The following SDK1 variants were observed in gnomAD, a reference collection of about 807,000 sequenced individuals.
SDK1 encodes sidekick cell adhesion molecule 1.
Under a neutral mutation model 245.5 loss-of-function variants are expected in SDK1, and 157 were observed. The observed-to-expected ratio is 0.64, with a 90% CI of 0.56 to 0.73. SDK1 has a LOEUF of 0.73. Among genes scored for constraint, SDK1 ranks in the 30% least tolerant of loss-of-function variants. SDK1 has a pLI of 0.00. For synonymous variants in SDK1, 1,647 were observed against 1,278.5 expected, an observed-to-expected ratio of 1.29 and a Z score of -6.15; for missense variants, 3,583 against 3,002.3, an observed-to-expected ratio of 1.19 and a Z score of -4.52.
intron 5 of SDK1, among the ~76,000 whole-genome samples, chr7:3,947,957 G>A (rs1386405019): frequency 6.6e-6 from 1 of 152,096 alleles, no homozygotes; most frequent in East Asian, 1.9e-4. Context: ...TTCATTTTAA[G>A]CCTCTCTGTA....
At chr7:3,741,875 C>T (rs1779484182) in intron 4 of SDK1, among the ~76,000 whole-genome samples, 1 of 151,862 alleles carries the variant, frequency 6.6e-6, no homozygotes, top group African/African-American at 2.4e-5. Context: ...TCTTTGGATG[C>T]TCATATATGT....
chr7:3,599,541 C>G (rs891164741), intron 1 of SDK1, among the ~76,000 whole-genome samples: 13 of 152,124 alleles, frequency 8.5e-5, no homozygotes. Context: ...GAGTCTTTGC[C>G]TGGCCCCACA....
Position 4,268,554 on chromosome 7 carries a change from G to A in SDK1, c.*3170G>A, listed in dbSNP as rs1357165416. 7.7e-7 allele frequency: 1 copy of A among 1,297,280 alleles called. No homozygotes were observed. Among genetic ancestry groups the A allele is most frequent in the Non-Finnish European group, 1.0e-6 (1 of 984,006 alleles). The allele number at this position is 1,297,280 out of a possible 1,614,324, so 80.4% of individuals were successfully genotyped here. A position where few individuals can be genotyped will look rare whatever the true frequency, so the allele number is the denominator to read the frequency against. The stretch of plus-strand genomic sequence containing the variant: ...GAACGCGCCTCCACAGCCCCGGGAG[G>A]TGGCTCACTCTGTACAGGTCTTCGG... On this transcript the variant is annotated 3_prime_UTR_variant, in exon 45 of 45. Coordinates refer to ENST00000404826, the MANE Select transcript of SDK1 (RefSeq NM_152744.4).
chr7:3,644,341 CTTTA>C (rs1217690728), intron 4 of SDK1, among the ~76,000 whole-genome samples: 1 of 150,744 alleles, frequency 6.6e-6, no homozygotes, highest in East Asian at 1.9e-4. Flanking sequence ...ATCCTTTTTT[CTTTA>C]TTTAATTACA....
chr7:3,620,156 C>T (rs1236978788), intron 2 of SDK1, among the ~76,000 whole-genome samples: 1 of 152,156 alleles, frequency 6.6e-6, no homozygotes, highest in Non-Finnish European at 1.5e-5. Flanking sequence ...GAATAGCCCA[C>T]CCACTCACTC....
At chr7:3,859,813 G>T (rs6957166) in intron 5 of SDK1, among the ~76,000 whole-genome samples, 50,268 of 152,082 alleles carry the variant, frequency 0.33, 11,679 homozygotes, top group African/African-American at 0.66. Context: ...GCAAATAGGT[G>T]AAACATATAC....
At chr7:3,340,397 G>T (rs1780314837) in intron 1 of SDK1, among the ~76,000 whole-genome samples, 5 of 152,116 alleles carry the variant, frequency 3.3e-5, no homozygotes, top group Non-Finnish European at 7.4e-5. Context: ...CATGCTGTTG[G>T]AAAAATGGTG....
At chr7:3,320,533 G>A (rs145927835) in intron 1 of SDK1, among the ~76,000 whole-genome samples, 8 of 152,108 alleles carry the variant, frequency 5.3e-5, no homozygotes, top group African/African-American at 1.9e-4. Context: ...TAAAGATGAA[G>A]CATTTTTAAC....
intron 14 of SDK1, among the ~76,000 whole-genome samples, chr7:3,994,797 C>A (rs1278239366): frequency 1.3e-5 from 2 of 152,194 alleles, no homozygotes; most frequent in African/African-American, 4.8e-5. Context: ...CCACCACTGA[C>A]CCTAACTGGC....
chr7:3,723,484 T>G (rs1012022360), intron 4 of SDK1, among the ~76,000 whole-genome samples: 1 of 152,210 alleles, frequency 6.6e-6, no homozygotes, highest in African/African-American at 2.4e-5. Flanking sequence ...CAGTTTTTCT[T>G]TATTCACACA....
At chr7:4,228,642 C>G (rs934739981) in intron 40 of SDK1, among the ~76,000 whole-genome samples, 2 of 152,154 alleles carry the variant, frequency 1.3e-5, no homozygotes, top group African/African-American at 4.8e-5. Flanking sequence ...CGGGATCAAG[C>G]GATTCTCCTG....
chr7:3,531,167 C>G (rs1173883552), intron 1 of SDK1, among the ~76,000 whole-genome samples: 1 of 152,180 alleles, frequency 6.6e-6, no homozygotes, highest in Admixed American at 6.5e-5. Flanking sequence ...CACCCTCAAA[C>G]TACATAGGGT....
At chr7:3,712,216 AG>A (rs1466834792) in intron 4 of SDK1, among the ~76,000 whole-genome samples, 1 of 152,116 alleles carries the variant, frequency 6.6e-6, no homozygotes, top group Non-Finnish European at 1.5e-5. Context: ...TTCCTGCCTG[AG>A]CCCCACCTCC....
intron 1 of SDK1, among the ~76,000 whole-genome samples, chr7:3,613,337 A>C (rs1781665152): frequency 6.6e-6 from 1 of 152,150 alleles, no homozygotes; most frequent in African/African-American, 2.4e-5. Flanking sequence ...CACATTGGAG[A>C]GGTAACATTA....
intron 22 of SDK1, among the ~76,000 whole-genome samples, chr7:4,107,260 A>G (rs1222781307): frequency 6.6e-6 from 1 of 151,498 alleles, no homozygotes; most frequent in Non-Finnish European, 1.5e-5. Context: ...AGTAAGTTGA[A>G]CCCGCCAGGC....
At chr7:4,182,405 G>T (rs80188350) in intron 35 of SDK1, among the ~76,000 whole-genome samples, 1 of 152,316 alleles carries the variant, frequency 6.6e-6, no homozygotes, top group Non-Finnish European at 1.5e-5. Flanking sequence ...CCTTGCCCCA[G>T]GGGTATTGCC....
intron 5 of SDK1, among the ~76,000 whole-genome samples, chr7:3,854,851 A>G (rs1780505389): frequency 6.6e-6 from 1 of 152,230 alleles, no homozygotes; most frequent in Non-Finnish European, 1.5e-5. Flanking sequence ...AGGAATCGCT[A>G]TAGAGAACAG....
Position 3,603,717 on chromosome 7 carries a change from A to C in SDK1, c.299-15363A>C, listed in dbSNP as rs575408451. ...TGCCCTGGCCAGAACTTCCAACACT[A>C]TGTTGAATAGGAGTGCTGAGAGAGG... On this transcript the variant is annotated intron_variant, in intron 1 of 44. Coordinates refer to ENST00000404826, the MANE Select transcript of SDK1 (RefSeq NM_152744.4). Among the ~76,000 whole-genome samples, 10 of 152,206 alleles carry C rather than the reference A, an allele frequency of 6.6e-5. 1 individual carries two copies. In the South Asian group the frequency reaches 2.1e-3, roughly 32 times the overall value.
intron 5 of SDK1, among the ~76,000 whole-genome samples, chr7:3,848,193 A>C (rs1780329090): frequency 6.6e-6 from 1 of 152,258 alleles, no homozygotes. Flanking sequence ...AATAATTATT[A>C]AACCTATAAA....
Sources: gnomAD v4.1 joint callset for allele counts (sites outside exome capture counted in the v4.1 genomes callset) on GRCh38, gnomAD v4.1.1 for gene constraint, MANE v1.5 for transcripts, NCBI Gene and HGNC (gene_info 2026-07-23, HGNC 2026-07-21) for gene names.